Variants in FAF1 observed in about 807,000 individuals in gnomAD.
FAF1 encodes the protein FAS-associated factor 1.
FAF1 carries 25 observed loss-of-function variants against 92.5 expected under a neutral mutation model. The ratio of observed to expected loss-of-function variants is 0.27; its 90% CI spans 0.20 to 0.38. FAF1 has a LOEUF of 0.38. Among genes scored for constraint, FAF1 ranks in the 10% least tolerant of loss-of-function variants. The pLI is 1.00. For synonymous variants in FAF1, 234 were observed against 273.2 expected, an observed-to-expected ratio of 0.86 and a Z score of 1.42; for missense variants, 636 against 793.3, an observed-to-expected ratio of 0.80 and a Z score of 2.38.
Position 50,841,255 on chromosome 1 carries a change from T to C in FAF1, c.114+16674A>G, listed in dbSNP as rs1230331374. Among the ~76,000 whole-genome samples the C allele has an allele frequency of 3.3e-5, 5 of 152,170 alleles. No individual in the cohort carries two copies. The East Asian group carries it at 9.6e-4, about 29-fold the overall frequency. On this transcript the variant is annotated intron_variant, in intron 2 of 18. Coordinates refer to ENST00000396153, the MANE Select transcript of FAF1 (RefSeq NM_007051.3). ...CTTGACACATATATATAAAATTTTG[T>C]CTTCAACATTTACGTATTTTCTCTC...
intron 8 of FAF1, among the ~76,000 whole-genome samples, chr1:50,614,089 CTG>C (rs1471396508): frequency 6.6e-6 from 1 of 151,384 alleles, no homozygotes; most frequent in Non-Finnish European, 1.5e-5. Context: ...GAGTGAGACT[CTG>C]TCTGAAAAAA....
chr1:50,873,133 A>AT (rs113214638), intron 1 of FAF1, among the ~76,000 whole-genome samples: 326 of 152,104 alleles, frequency 2.1e-3, no homozygotes, highest in African/African-American at 4.8e-3. Context: ...GATAATTAGC[A>AT]TTTTTTTTAA....
intron 1 of FAF1, among the ~76,000 whole-genome samples, chr1:50,955,686 C>A (rs532516803): frequency 1.3e-5 from 2 of 152,262 alleles, no homozygotes; most frequent in East Asian, 3.8e-4. Context: ...TATTTGAACA[C>A]CAATGTTTAT....
At chr1:50,771,476 T>G (rs1417884044) in intron 4 of FAF1, among the ~76,000 whole-genome samples, 1 of 152,182 alleles carries the variant, frequency 6.6e-6, no homozygotes, top group East Asian at 1.9e-4. Context: ...CAGATACTTT[T>G]TGAAAGAAGC....
intron 7 of FAF1, among the ~76,000 whole-genome samples, chr1:50,671,353 C>T (rs1336240265): frequency 1.3e-5 from 2 of 149,720 alleles, no homozygotes; most frequent in South Asian, 2.1e-4. Flanking sequence ...TACAGTGAAA[C>T]AAGATCATGC....
chr1:50,867,810 C>G (rs1421170301), intron 1 of FAF1, among the ~76,000 whole-genome samples: 1 of 152,156 alleles, frequency 6.6e-6, no homozygotes, highest in African/African-American at 2.4e-5. Flanking sequence ...ATCATTTTAT[C>G]CAGCAATCCC....
rs563712527 is a variant in FAF1 at position 50,608,049 on chromosome 1, C to T, written c.745-11833G>A. On this transcript the variant is annotated intron_variant, in intron 8 of 18. Coordinates refer to ENST00000396153, the MANE Select transcript of FAF1 (RefSeq NM_007051.3). ...ACTGCTCCTTGCGGAGCAGGGCTCC[C>T]CCATAGGCAGTGTGCTCAGAGTAGC... Among the ~76,000 whole-genome samples the T allele has an allele frequency of 2.0e-5, 3 of 152,322 alleles. No homozygotes were observed. The South Asian group carries it at 6.2e-4, about 32-fold the overall frequency.
chr1:50,559,882 A>G (rs1649790308), intron 13 of FAF1, among the ~76,000 whole-genome samples: 1 of 152,206 alleles, frequency 6.6e-6, no homozygotes. Context: ...CTTCCTTTAA[A>G]AGTACTGGAA....
chr1:50,489,695 T>C (rs923495105), intron 17 of FAF1, among the ~76,000 whole-genome samples: 1 of 152,170 alleles, frequency 6.6e-6, no homozygotes, highest in African/African-American at 2.4e-5. Flanking sequence ...TATATTGCTA[T>C]GGACATGACA....
intron 9 of FAF1, among the ~76,000 whole-genome samples, chr1:50,586,977 C>T (rs750415544): frequency 3.3e-5 from 5 of 152,192 alleles, no homozygotes; most frequent in Non-Finnish European, 4.4e-5. Context: ...TTCTCACATC[C>T]TCTATCAGGT....
intron 1 of FAF1, among the ~76,000 whole-genome samples, chr1:50,864,181 G>C (rs1004749223): frequency 4.0e-5 from 6 of 149,946 alleles, no homozygotes; most frequent in South Asian, 2.1e-4. Context: ...TTTTTTGAAG[G>C]GTTTTTTGTG....
intron 1 of FAF1, among the ~76,000 whole-genome samples, chr1:50,909,399 T>C (rs1644866149): frequency 6.6e-6 from 1 of 152,204 alleles, no homozygotes; most frequent in South Asian, 2.1e-4. Context: ...TTCTCTGTAT[T>C]TCCTGAATTT....
intron 15 of FAF1, among the ~76,000 whole-genome samples, chr1:50,534,124 G>A (rs1221173469): frequency 2.6e-5 from 4 of 152,170 alleles, no homozygotes; most frequent in Non-Finnish European, 4.4e-5. Context: ...GATTAGAGAA[G>A]GAAGGTGAAG....
intron 3 of FAF1, among the ~76,000 whole-genome samples, chr1:50,796,159 A>G (rs1169850012): frequency 6.6e-6 from 1 of 152,112 alleles, no homozygotes; most frequent in East Asian, 1.9e-4. Flanking sequence ...CACAGTATCA[A>G]CTATGGCCTT....
At chr1:50,637,712 T>TGTGTGTGC (rs1303561273) in intron 8 of FAF1, among the ~76,000 whole-genome samples, 37 of 150,656 alleles carry the variant, frequency 2.5e-4, no homozygotes, top group African/African-American at 7.3e-4. Context: ...TGTGTGTGTG[T>TGTGTGTGC]GCGTGTGCAT....
intron 3 of FAF1, 55 bp from the exon 4 acceptor site, chr1:50,788,260 T>A: frequency 6.9e-7 from 1 of 1,441,704 alleles, no homozygotes; most frequent in Non-Finnish European, 9.7e-7. Flanking sequence ...TACAGAATAC[T>A]ACTAGGGACC....
intron 18 of FAF1, chr1:50,452,137 A>G (rs1402218950): frequency 2.2e-6 from 3 of 1,350,226 alleles, no homozygotes; most frequent in Non-Finnish European, 9.8e-7. Flanking sequence ...AGAACATAAA[A>G]TGAATATACA....
intron 1 of FAF1, among the ~76,000 whole-genome samples, chr1:50,916,493 A>G (rs909688610): frequency 6.6e-6 from 1 of 152,212 alleles, no homozygotes; most frequent in Non-Finnish European, 1.5e-5. Context: ...CCTAATGGAC[A>G]AGTTGAAAGT....
intron 2 of FAF1, among the ~76,000 whole-genome samples, chr1:50,811,138 C>A (rs1329822690): frequency 3.3e-5 from 5 of 152,012 alleles, no homozygotes; most frequent in African/African-American, 1.2e-4. Context: ...AGTTCAAGAC[C>A]AGTGTGAGCA....
Sources: gnomAD v4.1 joint callset for allele counts (sites outside exome capture counted in the v4.1 genomes callset) on GRCh38, gnomAD v4.1.1 for gene constraint, MANE v1.5 for transcripts, NCBI Gene and HGNC (gene_info 2026-07-23, HGNC 2026-07-21) for gene names.